Variants in EFHC2 observed in about 807,000 individuals in gnomAD.
The protein encoded by EFHC2 is EF-hand domain containing 2.
A neutral mutation model predicts 52.7 loss-of-function variants in EFHC2; 18 were observed. The ratio of observed to expected loss-of-function variants is 0.34; its 90% CI spans 0.24 to 0.51. EFHC2 has a LOEUF of 0.51. Among genes scored for constraint, EFHC2 ranks in the 20% least tolerant of loss-of-function variants. The pLI, the probability that EFHC2 is intolerant of heterozygous loss-of-function variation, is 0.97. For missense variants in EFHC2, 513 were observed against 562.5 expected, an observed-to-expected ratio of 0.91 and a Z score of 0.89; for synonymous variants, 203 against 204.1, an observed-to-expected ratio of 0.99 and a Z score of 0.04.
intron 1 of EFHC2, among the ~76,000 whole-genome samples, chrX:44,339,191 C>CAAAAAA (rs58180100): frequency 0.38 from 33,767 of 89,591 alleles, 5,796 homozygotes; most frequent in African/African-American, 0.42. Flanking sequence ...ACTCCATCTC[C>CAAAAAA]AAAAAAAAAA....
At chrX:44,187,441 G>A (rs541675266) in intron 11 of EFHC2, among the ~76,000 whole-genome samples, 2 of 110,073 alleles carry the variant, frequency 1.8e-5, no homozygotes, top group African/African-American at 6.7e-5. Context: ...TCTGTTACTA[G>A]ATATTACACA....
chrX:44,169,486 G>T lies in EFHC2; in HGVS notation c.2043-5459C>A, dbSNP rs9887038. Among the ~76,000 whole-genome samples the T allele has an allele frequency of 8.4e-3, 927 of 110,306 alleles. 8 individuals carry two copies. The highest frequency in any genetic ancestry group is 0.029 in the African/African-American group (877 of 30,291). On this transcript the variant is annotated intron_variant, in intron 13 of 14. Transcript: ENST00000420999. ...TGTAGAGACAGGGTCTCACTATGTT[G>T]CCAGGCTGGCCGAGAACTCCTGAGC...
chrX:44,311,661 T>A (rs748574478), intron 2 of EFHC2, among the ~76,000 whole-genome samples: 3 of 112,250 alleles, frequency 2.7e-5, no homozygotes, highest in Non-Finnish European at 5.6e-5. Context: ...TATGTCCATA[T>A]GTATATGTGT....
intron 2 of EFHC2, among the ~76,000 whole-genome samples, chrX:44,296,842 G>A (rs943250454): frequency 8.0e-5 from 9 of 111,923 alleles, no homozygotes; most frequent in African/African-American, 2.9e-4. Context: ...CAATTGGAAA[G>A]AGCAATACAA....
Position 44,248,830 on chromosome X carries a change from C to T in EFHC2, c.945G>A (p.Ala315=), listed in dbSNP as rs753635601. 5.8e-6 allele frequency: 7 copies of T among 1,207,113 alleles called. No homozygotes were observed. The highest frequency in any genetic ancestry group is 5.9e-5 in the East Asian group (2 of 33,700). The part of the protein sequence containing the change: ...NSYGDFIKNQ[A]DGYLFDRYKL... ...TATATCTATCGAACAGGTAGCCATCCGCTTGGTTCTTTATAAAGTCACCAT... is the reference window on the plus strand; with the variant it reads ...TATATCTATCGAACAGGTAGCCATCTGCTTGGTTCTTTATAAAGTCACCAT... Residue 315 remains alanine, a synonymous_variant, in exon 6 of 15, where the codon GCG becomes GCA. Coordinates refer to ENST00000420999, the MANE Select transcript of EFHC2 (RefSeq NM_025184.4).
At chrX:44,305,119 G>A (rs191486657) in intron 2 of EFHC2, among the ~76,000 whole-genome samples, 2 of 110,128 alleles carry the variant, frequency 1.8e-5, no homozygotes, top group African/African-American at 3.3e-5. Flanking sequence ...AAAATTAGCC[G>A]GGTGTGGTGG....
intron 7 of EFHC2, among the ~76,000 whole-genome samples, chrX:44,243,941 G>A (rs1235082242): frequency 9.0e-6 from 1 of 111,487 alleles, no homozygotes; most frequent in Admixed American, 9.5e-5. Flanking sequence ...CATGGCAGGA[G>A]AGCTGTATGT....
At chrX:44,170,602 C>G (rs1475334630) in intron 13 of EFHC2, among the ~76,000 whole-genome samples, 2 of 110,555 alleles carry the variant, frequency 1.8e-5, no homozygotes, top group Non-Finnish European at 3.8e-5. Context: ...TTTACCAAAT[C>G]CTAGCCATCC....
intron 11 of EFHC2, 134 bp from the exon 12 acceptor site, chrX:44,178,698 T>A (rs1041935960): frequency 1.7e-5 from 8 of 479,670 alleles, no homozygotes; most frequent in Non-Finnish European, 2.2e-5. Flanking sequence ...GTGATTTTTT[T>A]AACTTAATTT....
chrX:44,188,299 A>C (rs1014295356), intron 11 of EFHC2, among the ~76,000 whole-genome samples: 1 of 111,575 alleles, frequency 9.0e-6, no homozygotes, highest in African/African-American at 3.3e-5. Context: ...AGTGTTTCCT[A>C]ATTCAACAAG....
intron 2 of EFHC2, among the ~76,000 whole-genome samples, chrX:44,298,723 T>C (rs1398487248): frequency 9.2e-6 from 1 of 108,976 alleles, no homozygotes; most frequent in African/African-American, 3.3e-5. Context: ...TAGCCAGGCG[T>C]GCTGGCGGGC....
At chrX:44,292,663 A>G (rs762090514) in intron 2 of EFHC2, among the ~76,000 whole-genome samples, 4 of 111,475 alleles carry the variant, frequency 3.6e-5, no homozygotes, top group Non-Finnish European at 7.5e-5. Context: ...GTAATTCCCA[A>G]TGTTGGAGGT....
chrX:44,190,613 C>T (rs1394378866), intron 11 of EFHC2, among the ~76,000 whole-genome samples: 5 of 110,517 alleles, frequency 4.5e-5, no homozygotes. Context: ...ATATTGATTG[C>T]TTCTTGTCTT....
At chrX:44,257,074 A>G (rs1042003694) in intron 4 of EFHC2, among the ~76,000 whole-genome samples, 1 of 111,712 alleles carries the variant, frequency 9.0e-6, no homozygotes, top group Non-Finnish European at 1.9e-5. Context: ...TAGATGCAGA[A>G]AAGGCCTTCA....
chrX:44,176,299 A>G lies in EFHC2; in HGVS notation c.2035T>C (p.Leu679=). 1 of 1,196,494 alleles carries G rather than the reference A, an allele frequency of 8.4e-7. No individual in the cohort carries two copies. Among genetic ancestry groups the G allele is most frequent in the Non-Finnish European group, 1.1e-6 (1 of 886,051 alleles). The change falls in exon 13 of 15, where the codon TTG becomes CTG. Residue 679 remains leucine (L), a synonymous_variant. Transcript: ENST00000420999. ...AGTGGAACTCTAACTTACCTTGACAATAAGGATTCTAGAAGATCATCACTC... is the reference window on the plus strand; with the variant it reads ...AGTGGAACTCTAACTTACCTTGACAGTAAGGATTCTAGAAGATCATCACTC... ...PLSDDLLESL[L]SRFEDSEKQI...
chrX:44,275,248 G>A (rs1303872964), intron 2 of EFHC2, among the ~76,000 whole-genome samples: 1 of 111,717 alleles, frequency 9.0e-6, no homozygotes, highest in Non-Finnish European at 1.9e-5. Flanking sequence ...ATTATCTTAG[G>A]TTGGGCTTCA....
In EFHC2 at chrX:44,152,725, T is replaced by TACACACAC. The variant is rs3037406; in HGVS notation, c.2149-3837_2149-3830dup. 6.6e-3 allele frequency among the ~76,000 whole-genome samples: 653 copies of TACACACAC among 99,426 alleles called. 5 individuals carry two copies. Among genetic ancestry groups the TACACACAC allele is most frequent in the Middle Eastern group, 0.016 (3 of 190 alleles). 86.3% of individuals were successfully genotyped at this position (99,426 alleles called of 115,157 possible). On this transcript the variant is annotated intron_variant, in intron 14 of 14. Transcript: ENST00000420999. The stretch of plus-strand genomic sequence containing the variant: ...CTTACACCAAAAAGTAGTAAACCAT[T>TACACACAC]ACACACACACACACACACACACACA...
chrX:44,164,471 C>G (rs2036681080), intron 13 of EFHC2, among the ~76,000 whole-genome samples: 1 of 111,877 alleles, frequency 8.9e-6, no homozygotes, highest in African/African-American at 3.2e-5. Flanking sequence ...CATTTTTCTA[C>G]CAGTATATGT....
At chrX:44,175,394 G>A (rs2036778615) in intron 13 of EFHC2, among the ~76,000 whole-genome samples, 1 of 111,474 alleles carries the variant, frequency 9.0e-6, no homozygotes, top group African/African-American at 3.3e-5. Flanking sequence ...CAGTAAGGAG[G>A]AGGTAGAACT....
Sources: gnomAD v4.1 joint callset for allele counts (sites outside exome capture counted in the v4.1 genomes callset) on GRCh38, gnomAD v4.1.1 for gene constraint, MANE v1.5 for transcripts, NCBI Gene and HGNC (gene_info 2026-07-23, HGNC 2026-07-21) for gene names.